Variants in PCDHA1 observed in about 807,000 individuals in gnomAD.
PCDHA1 encodes protocadherin alpha-1.
In PCDHA1, 42 loss-of-function variants were observed where a neutral mutation model predicts 61.3. That is an observed-to-expected ratio of 0.69 (90% confidence interval 0.54 to 0.89). PCDHA1 has a LOEUF of 0.89. Ranked by LOEUF, PCDHA1 falls within the 40% of genes least tolerant of loss-of-function variation. The pLI is 0.00. For missense variants in PCDHA1, 1,256 were observed against 1,235.3 expected, an observed-to-expected ratio of 1.02 and a Z score of -0.25; for synonymous variants, 610 against 553.8, an observed-to-expected ratio of 1.10 and a Z score of -1.43.
chr5:140,906,646 G>GT (rs35557065), intron 1 of PCDHA1, among the ~76,000 whole-genome samples: 1 of 152,192 alleles, frequency 6.6e-6, no homozygotes, highest in Non-Finnish European at 1.5e-5. Context: ...GCAGGTAGTG[G>GT]TTTTTTCCTG....
At chr5:140,944,438 C>T (rs1585166190) in intron 1 of PCDHA1, among the ~76,000 whole-genome samples, 2 of 152,154 alleles carry the variant, frequency 1.3e-5, no homozygotes, top group Non-Finnish European at 2.9e-5. Flanking sequence ...CTGCCTGCCT[C>T]GGCCTCCCAA....
At chr5:140,814,516 A>G (rs1765532799) in intron 1 of PCDHA1, 2 of 152,058 alleles carry the variant, frequency 1.3e-5, no homozygotes, top group African/African-American at 4.8e-5. Context: ...ACCACTAAAA[A>G]GTATAGTAAA....
At chr5:140,905,635 A>T (rs2071990855) in intron 1 of PCDHA1, among the ~76,000 whole-genome samples, 1 of 152,206 alleles carries the variant, frequency 6.6e-6, no homozygotes, top group Non-Finnish European at 1.5e-5. Context: ...CAGTATGGTC[A>T]GTTTCACAGT....
At chr5:140,826,420 T>C (rs2150143820) in intron 1 of PCDHA1, among the ~76,000 whole-genome samples, 1 of 152,194 alleles carries the variant, frequency 6.6e-6, no homozygotes, top group Non-Finnish European at 1.5e-5. Context: ...TATTTTAAGA[T>C]AGAATTTCAC....
At chr5:140,881,353 G>T (rs537796043) in intron 1 of PCDHA1, 4 of 985,178 alleles carry the variant, frequency 4.1e-6, no homozygotes, top group Non-Finnish European at 4.8e-6. Context: ...GCTACAATGC[G>T]TGGCTTTCGT....
chr5:140,977,640 G>A (rs2096769670), intron 1 of PCDHA1, among the ~76,000 whole-genome samples: 1 of 152,124 alleles, frequency 6.6e-6, no homozygotes, highest in South Asian at 2.1e-4. Flanking sequence ...CTTTTTCTGG[G>A]CCTTGACTTT....
chr5:141,002,019 T>G (rs1420727822), intron 3 of PCDHA1, among the ~76,000 whole-genome samples: 4 of 152,176 alleles, frequency 2.6e-5, no homozygotes, highest in Admixed American at 6.5e-5. Flanking sequence ...CTGCACAGCC[T>G]TCGGTGCCCT....
chr5:140,849,445 A>G, intron 1 of PCDHA1: 1 of 1,585,774 alleles, frequency 6.3e-7, no homozygotes, highest in South Asian at 1.1e-5. Flanking sequence ...AGAGCACACA[A>G]GATCCCAGTC....
At chr5:140,930,013 G>A (rs2086530432) in intron 1 of PCDHA1, 1 of 152,118 alleles carries the variant, frequency 6.6e-6, no homozygotes, top group Admixed American at 6.5e-5. Context: ...ATAGCTGATA[G>A]CTCCATAGCA....
intron 1 of PCDHA1, among the ~76,000 whole-genome samples, chr5:140,933,589 G>T (rs1369666636): frequency 8.6e-5 from 13 of 152,012 alleles, no homozygotes; most frequent in Non-Finnish European, 2.9e-5. Context: ...GGGTTTTTAG[G>T]TTGATTTGTC....
At chr5:140,813,725 G>A (rs1297034121) in intron 1 of PCDHA1, 2 of 152,318 alleles carry the variant, frequency 1.3e-5, no homozygotes, top group East Asian at 3.8e-4. Context: ...GCTGGTCATG[G>A]TGGCTCATGC....
intron 1 of PCDHA1, chr5:140,821,844 GAA>G: frequency 3.7e-6 from 6 of 1,614,176 alleles, no homozygotes; most frequent in Non-Finnish European, 5.1e-6. Context: ...TTGCCTACTG[GAA>G]GGCAGGGAGC....
chr5:140,802,545 G>C, intron 1 of PCDHA1: 2 of 1,614,220 alleles, frequency 1.2e-6, no homozygotes, highest in Non-Finnish European at 1.7e-6. Flanking sequence ...CGACGTGAAC[G>C]ACAATGCGCC....
chr5:140,806,768 A>G (rs557721480), intron 1 of PCDHA1, among the ~76,000 whole-genome samples: 6 of 152,310 alleles, frequency 3.9e-5, no homozygotes, highest in Admixed American at 3.9e-4. Flanking sequence ...TCTCTGTAAT[A>G]CTTAAAACCT....
chr5:140,790,755 A>G (rs957385352), intron 1 of PCDHA1, among the ~76,000 whole-genome samples: 13 of 152,356 alleles, frequency 8.5e-5, no homozygotes, highest in Non-Finnish European at 8.8e-5. Context: ...GCCTTTACAT[A>G]CATTCAATAT....
chr5:140,850,004 G>C lies in PCDHA1; in HGVS notation c.2394+61320G>C. On this transcript the variant is annotated intron_variant, in intron 1 of 3. Transcript: ENST00000504120. Reference sequence around the variant, plus strand: ...TGGAGCGGCGGTTGGGCGAGCGCTCGCTGTCGAGCTACGTGTCAGTGCACG... The same window carrying C: ...TGGAGCGGCGGTTGGGCGAGCGCTCCCTGTCGAGCTACGTGTCAGTGCACG... 3 of 1,596,990 alleles carry C rather than the reference G, an allele frequency of 1.9e-6. 1 individual carries two copies. Among genetic ancestry groups the C allele is most frequent in the Non-Finnish European group, 2.6e-6 (3 of 1,167,858 alleles).
At chr5:140,867,018 T>C (rs1445969805) in intron 1 of PCDHA1, 1 of 152,176 alleles carries the variant, frequency 6.6e-6, no homozygotes, top group Non-Finnish European at 1.5e-5. Context: ...TCATACACTA[T>C]ATCAAACTCT....
chr5:140,856,559 C>T (rs782226001), intron 1 of PCDHA1: 3 of 1,598,104 alleles, frequency 1.9e-6, no homozygotes, highest in Non-Finnish European at 2.6e-6. Context: ...TACTTACAAA[C>T]TCAGTCCAAA....
intron 1 of PCDHA1, chr5:140,835,619 T>C: frequency 1.2e-6 from 2 of 1,613,890 alleles, no homozygotes; most frequent in African/African-American, 1.3e-5. Flanking sequence ...TGGACAGCGC[T>C]CTGGACCGCG....
Sources: allele counts gnomAD v4.1 joint callset (sites outside exome capture counted in the v4.1 genomes callset), GRCh38; gene constraint gnomAD v4.1.1; transcripts MANE v1.5; gene names NCBI Gene and HGNC (gene_info 2026-07-23, HGNC 2026-07-21).